KHDRBS2: variants seen among roughly 807,000 people sequenced by gnomAD.
The protein encoded by KHDRBS2 is KH RNA binding domain containing, signal transduction associated 2.
A neutral mutation model predicts 44.3 loss-of-function variants in KHDRBS2; 26 were observed. That is an observed-to-expected ratio of 0.59 (90% CI 0.43 to 0.81). The LOEUF (loss-of-function observed/expected upper bound fraction) is 0.81. KHDRBS2 is among the 40% of genes least tolerant of loss of function. The pLI is 0.00. For synonymous variants in KHDRBS2, 194 were observed against 151.1 expected, an observed-to-expected ratio of 1.28 and a Z score of -2.08; for missense variants, 476 against 433.1, an observed-to-expected ratio of 1.10 and a Z score of -0.88.
intron 2 of KHDRBS2, among the ~76,000 whole-genome samples, chr6:62,121,908 A>C (rs796690060): frequency 3.3e-5 from 5 of 152,314 alleles, no homozygotes; most frequent in African/African-American, 1.2e-4. Context: ...AGGCCTGTCA[A>C]GATATGCCTT....
At chr6:61,719,762 C>CT (rs201000567) in intron 7 of KHDRBS2, among the ~76,000 whole-genome samples, 10 of 151,482 alleles carry the variant, frequency 6.6e-5, no homozygotes, top group African/African-American at 1.2e-4. Flanking sequence ...CCTATGGACT[C>CT]TTTTTTTTAA....
intron 4 of KHDRBS2, among the ~76,000 whole-genome samples, chr6:61,950,731 G>A (rs1199441591): frequency 6.6e-6 from 1 of 151,994 alleles, no homozygotes; most frequent in Non-Finnish European, 1.5e-5. Context: ...TTTTCCTTAA[G>A]GTGAGGCTGA....
intron 2 of KHDRBS2, among the ~76,000 whole-genome samples, chr6:62,101,262 G>T (rs1801831552): frequency 6.6e-6 from 1 of 151,986 alleles, no homozygotes; most frequent in Non-Finnish European, 1.5e-5. Flanking sequence ...TCAATCTCAG[G>T]TTATATTACA....
At chr6:62,138,612 C>T (rs779015114) in intron 2 of KHDRBS2, among the ~76,000 whole-genome samples, 18 of 152,064 alleles carry the variant, frequency 1.2e-4, no homozygotes, top group Non-Finnish European at 2.4e-4. Context: ...TGTTGCCAAA[C>T]AATAGAAATA....
the KHDRBS2 span, among the ~76,000 whole-genome samples, chr6:61,627,943 T>G: frequency 6.6e-6 from 1 of 152,190 alleles, no homozygotes; most frequent in South Asian, 2.1e-4. Context: ...CTGGGAACTC[T>G]AGACCTTGTG....
At chr6:61,981,615 G>C (rs1773861773) in intron 3 of KHDRBS2, among the ~76,000 whole-genome samples, 1 of 152,060 alleles carries the variant, frequency 6.6e-6, no homozygotes. Flanking sequence ...CCTATTTAAT[G>C]CAGTGTTCAA....
chr6:62,245,231 A>T (rs1379390118), intron 1 of KHDRBS2, among the ~76,000 whole-genome samples: 1 of 152,082 alleles, frequency 6.6e-6, no homozygotes, highest in East Asian at 1.9e-4. Flanking sequence ...GTTACTTTTC[A>T]ACATATTTTT....
At chr6:62,064,363 C>T (rs540025808) in intron 2 of KHDRBS2, among the ~76,000 whole-genome samples, 2,029 of 147,634 alleles carry the variant, frequency 0.014, 126 homozygotes, top group Admixed American at 0.1. Flanking sequence ...AGGCATCACA[C>T]TACCTGACTT....
At chr6:61,896,672 C>A (rs1172967476) in intron 5 of KHDRBS2, among the ~76,000 whole-genome samples, 1 of 152,212 alleles carries the variant, frequency 6.6e-6, no homozygotes, top group East Asian at 1.9e-4. Context: ...AGTATCCTGT[C>A]GTTTATTTGT....
At chr6:61,642,093 G>A in the KHDRBS2 span, among the ~76,000 whole-genome samples, 2 of 152,120 alleles carry the variant, frequency 1.3e-5, no homozygotes, top group African/African-American at 4.8e-5. Context: ...GACATACCAT[G>A]AGGGACACCT....
the KHDRBS2 span, among the ~76,000 whole-genome samples, chr6:61,662,833 T>A: frequency 1.3e-5 from 2 of 151,700 alleles, no homozygotes; most frequent in Admixed American, 1.3e-4. Flanking sequence ...ATTGTGGAAG[T>A]CAGTGTGGTG....
At chr6:61,923,291 G>T (rs1041928596) in intron 4 of KHDRBS2, among the ~76,000 whole-genome samples, 1 of 152,060 alleles carries the variant, frequency 6.6e-6, no homozygotes, top group Non-Finnish European at 1.5e-5. Context: ...AGAAATGTGA[G>T]AGGTAATATC....
intron 2 of KHDRBS2, among the ~76,000 whole-genome samples, chr6:62,160,746 G>A (rs931138617): frequency 2.6e-5 from 4 of 152,100 alleles, no homozygotes; most frequent in Admixed American, 1.3e-4. Flanking sequence ...TAAGAGCCCA[G>A]TTGAGAGAAG....
chr6:62,094,126 C>T lies in KHDRBS2; in HGVS notation c.220-46132G>A, dbSNP rs72886116. 9.0e-3 allele frequency among the ~76,000 whole-genome samples: 1,363 copies of T among 151,930 alleles called. 16 individuals are homozygous for T. Among genetic ancestry groups the T allele is most frequent in the Non-Finnish European group, 0.016 (1,109 of 67,824 alleles). The stretch of plus-strand genomic sequence containing the variant: ...TACACCATACTGTTTTCCATTATCG[C>T]TGTATTAATTTACAACTCCAATTCC... On this transcript the variant is annotated intron_variant, in intron 2 of 8. Transcript: ENST00000281156.
At chr6:62,060,135 C>T (rs776260563) in intron 2 of KHDRBS2, among the ~76,000 whole-genome samples, 6 of 151,684 alleles carry the variant, frequency 4.0e-5, no homozygotes, top group Non-Finnish European at 7.4e-5. Flanking sequence ...TGAGAAAACC[C>T]CAAGAGCGTA....
chr6:61,965,039 G>A (rs1769595761), intron 4 of KHDRBS2, among the ~76,000 whole-genome samples: 1 of 152,048 alleles, frequency 6.6e-6, no homozygotes. Flanking sequence ...TTTGCACTTG[G>A]GTGAATGTAA....
At chr6:62,216,889 A>C in intron 1 of KHDRBS2, among the ~76,000 whole-genome samples, 1 of 151,290 alleles carries the variant, frequency 6.6e-6, no homozygotes, top group Non-Finnish European at 1.5e-5. Context: ...GGGAAGCCAA[A>C]TACTATTATT....
chr6:61,577,230 G>T, the KHDRBS2 span, among the ~76,000 whole-genome samples: 1 of 150,536 alleles, frequency 6.6e-6, no homozygotes. Flanking sequence ...GAAGTGTAGA[G>T]CCAGGATCAC....
intron 4 of KHDRBS2, among the ~76,000 whole-genome samples, chr6:61,911,819 A>C (rs13214283): frequency 0.87 from 131,693 of 151,824 alleles, 57,576 homozygotes; most frequent in African/African-American, 0.95. Flanking sequence ...TATTGCCATG[A>C]ATGCCACTTC....
Sources: allele counts gnomAD v4.1 joint callset (sites outside exome capture counted in the v4.1 genomes callset), GRCh38; gene constraint gnomAD v4.1.1; transcripts MANE v1.5; gene names NCBI Gene and HGNC (gene_info 2026-07-23, HGNC 2026-07-21).